NELL1: variants seen among roughly 807,000 people sequenced by gnomAD.
NELL1 encodes the protein protein kinase C-binding protein NELL1.
A neutral mutation model predicts 107.4 loss-of-function variants in NELL1; 76 were observed. The observed-to-expected ratio is 0.71, with a 90% CI of 0.59 to 0.86. NELL1 has a LOEUF of 0.86. Ranked by LOEUF, NELL1 falls within the 40% of genes least tolerant of loss-of-function variation. The pLI, the probability that NELL1 is intolerant of heterozygous loss-of-function variation, is 0.00. For missense variants in NELL1, 1,024 were observed against 1,005.5 expected, an observed-to-expected ratio of 1.02 and a Z score of -0.25; for synonymous variants, 353 against 341.2, an observed-to-expected ratio of 1.03 and a Z score of -0.38.
chr11:21,296,103 G>A (rs1849369754), intron 14 of NELL1, among the ~76,000 whole-genome samples: 1 of 151,892 alleles, frequency 6.6e-6, no homozygotes. Context: ...TAAACACAAG[G>A]TTACTACTTT....
At chr11:20,924,688 C>T (rs1850452625) in intron 7 of NELL1, among the ~76,000 whole-genome samples, 3 of 152,100 alleles carry the variant, frequency 2.0e-5, no homozygotes, top group South Asian at 4.1e-4. Context: ...GAGTAAGGCA[C>T]GTATGGGTCC....
chr11:21,238,690 G>A (rs1427051875), intron 14 of NELL1, among the ~76,000 whole-genome samples: 1 of 152,034 alleles, frequency 6.6e-6, no homozygotes. Context: ...TATGGCCTCT[G>A]CTGAGTGGGT....
intron 12 of NELL1, among the ~76,000 whole-genome samples, chr11:21,033,491 G>C (rs1263576543): frequency 6.6e-6 from 1 of 151,996 alleles, no homozygotes; most frequent in Non-Finnish European, 1.5e-5. Flanking sequence ...TGTGGTATTT[G>C]ATTTTCTGTT....
chr11:21,144,558 G>A (rs1855935824), intron 13 of NELL1, among the ~76,000 whole-genome samples: 1 of 152,166 alleles, frequency 6.6e-6, no homozygotes, highest in African/African-American at 2.4e-5. Context: ...TATCTTTTAT[G>A]TGGCAGTTTT....
At chr11:20,820,452 T>A (rs1857726051) in intron 3 of NELL1, among the ~76,000 whole-genome samples, 1 of 152,228 alleles carries the variant, frequency 6.6e-6, no homozygotes, top group South Asian at 2.1e-4. Flanking sequence ...CACACCATAA[T>A]ATGTGTTACA....
rs377662600 is a variant in NELL1 at position 21,429,035 on chromosome 11, G to A, written c.1645+58087G>A. Among the ~76,000 whole-genome samples the A allele has an allele frequency of 4.6e-5, 7 of 152,156 alleles. No homozygotes were observed. The East Asian group carries it at 1.2e-3, about 25-fold the overall frequency. ...AGTGTATGATTCATAGCCAACACTT[G>A]AGGCTTTAAATAATAGACCTTTTCA... On this transcript the variant is annotated intron_variant, in intron 15 of 19. Transcript: ENST00000357134.
At chr11:21,529,357 C>T (rs945050005) in intron 15 of NELL1, among the ~76,000 whole-genome samples, 1 of 152,142 alleles carries the variant, frequency 6.6e-6, no homozygotes, top group South Asian at 2.1e-4. Context: ...AGGAAGCATG[C>T]TCCAGGCACA....
At chr11:21,231,241 A>G (rs887477456) in intron 14 of NELL1, among the ~76,000 whole-genome samples, 1 of 152,170 alleles carries the variant, frequency 6.6e-6, no homozygotes, top group African/African-American at 2.4e-5. Context: ...CTATATACAT[A>G]TTTATGTAAA....
intron 2 of NELL1, among the ~76,000 whole-genome samples, chr11:20,732,674 G>T (rs1002719735): frequency 6.6e-6 from 1 of 152,138 alleles, no homozygotes; most frequent in Non-Finnish European, 1.5e-5. Context: ...GGGATATGCT[G>T]TCAAGGGACA....
intron 14 of NELL1, among the ~76,000 whole-genome samples, chr11:21,368,974 G>A (rs1208169821): frequency 2.6e-5 from 4 of 151,892 alleles, no homozygotes; most frequent in Admixed American, 6.6e-5. Flanking sequence ...CAGACATCTC[G>A]TGCTCTCCTC....
intron 3 of NELL1, among the ~76,000 whole-genome samples, chr11:20,831,130 T>G (rs1027986126): frequency 4.6e-5 from 7 of 152,236 alleles, no homozygotes; most frequent in Non-Finnish European, 8.8e-5. Flanking sequence ...TGCATTCTTA[T>G]GTCCAAGATC....
At chr11:21,417,559 G>A (rs57239788) in intron 15 of NELL1, among the ~76,000 whole-genome samples, 5,024 of 151,716 alleles carry the variant, frequency 0.033, 268 homozygotes, top group African/African-American at 0.11. Context: ...CATCTGTGAT[G>A]TACCTAATAG....
chr11:20,792,970 T>C (rs926898068), intron 3 of NELL1, among the ~76,000 whole-genome samples: 1 of 152,010 alleles, frequency 6.6e-6, no homozygotes, highest in African/African-American at 2.4e-5. Context: ...AAAATATACA[T>C]TGTATCTTTT....
intron 3 of NELL1, among the ~76,000 whole-genome samples, chr11:20,805,122 A>G (rs979169909): frequency 6.6e-5 from 10 of 152,132 alleles, no homozygotes; most frequent in Non-Finnish European, 1.5e-4. Context: ...TTGGCATGGA[A>G]TATCTTTTTC....
intron 5 of NELL1, among the ~76,000 whole-genome samples, chr11:20,889,544 C>T (rs11025801): frequency 0.19 from 28,685 of 152,080 alleles, 4,435 homozygotes; most frequent in African/African-American, 0.41. Flanking sequence ...TGACAGTATG[C>T]ACAAATCTCA....
intron 3 of NELL1, among the ~76,000 whole-genome samples, chr11:20,786,313 G>A (rs1356692263): frequency 6.9e-6 from 1 of 145,392 alleles, no homozygotes; most frequent in African/African-American, 2.6e-5. Context: ...TTGCACCATC[G>A]CACACCAGCC....
intron 13 of NELL1, among the ~76,000 whole-genome samples, chr11:21,156,783 A>T (rs2133793962): frequency 1.3e-5 from 2 of 152,232 alleles, no homozygotes; most frequent in Admixed American, 1.3e-4. Context: ...TAAAATCATT[A>T]GAGCAGCTAT....
chr11:20,829,530 G>T (rs1244867255), intron 3 of NELL1, among the ~76,000 whole-genome samples: 3 of 151,970 alleles, frequency 2.0e-5, no homozygotes. Context: ...CTGGCCTGCT[G>T]CAGGACTATT....
At chr11:21,525,674 A>G (rs969909251) in intron 15 of NELL1, among the ~76,000 whole-genome samples, 5 of 152,204 alleles carry the variant, frequency 3.3e-5, no homozygotes, top group African/African-American at 1.2e-4. Context: ...ACAGTTCCAC[A>G]TGGCTGGGGA....
Sources: gnomAD v4.1 joint callset for allele counts (sites outside exome capture counted in the v4.1 genomes callset) on GRCh38, gnomAD v4.1.1 for gene constraint, MANE v1.5 for transcripts, NCBI Gene and HGNC (gene_info 2026-07-23, HGNC 2026-07-21) for gene names.